BAALC: variants seen among roughly 807,000 people sequenced by gnomAD.
BAALC encodes BAALC binder of MAP3K1 and KLF4, also known as brain and acute leukemia cytoplasmic protein.
In BAALC, 9 loss-of-function variants were observed where a neutral mutation model predicts 15.5. The observed-to-expected ratio is 0.58, with a 90% CI of 0.35 to 1.02. The LOEUF is 1.02. Among genes scored for constraint, BAALC ranks in the 50% least tolerant of loss-of-function variants. The probability of loss-of-function intolerance (pLI) is 0.02; values close to 1 mark genes in which losing one functional copy is unlikely to be tolerated. For synonymous variants in BAALC, 80 were observed against 74.6 expected (o/e 1.07, Z -0.37); for missense variants, 201 against 192.4 (o/e 1.04, Z -0.27).
intron 1 of BAALC, among the ~76,000 whole-genome samples, chr8:103,197,780 A>G (rs1812127349): frequency 6.6e-6 from 1 of 152,022 alleles, no homozygotes; most frequent in Admixed American, 6.6e-5. Context: ...ACACACTTTT[A>G]AACAGCCAGA....
chr8:103,162,104 G>C (rs1023755993), intron 1 of BAALC, among the ~76,000 whole-genome samples: 17 of 152,104 alleles, frequency 1.1e-4, no homozygotes, highest in African/African-American at 4.1e-4. Context: ...GGGACCACAG[G>C]TGAGCCACCA....
intron 1 of BAALC, chr8:103,153,162 C>T (rs999538633): frequency 6.6e-6 from 1 of 152,162 alleles, no homozygotes; most frequent in Non-Finnish European, 1.5e-5. Context: ...TCAAGCTACC[C>T]TAAAAGTATC....
At chr8:103,174,137 T>C (rs1811556224) in intron 1 of BAALC, among the ~76,000 whole-genome samples, 2 of 151,898 alleles carry the variant, frequency 1.3e-5, no homozygotes, top group Admixed American at 6.6e-5. Context: ...TGATAGCTGC[T>C]CAGACTGTGA....
At chr8:103,216,249 G>A (rs954576731) in intron 2 of BAALC, among the ~76,000 whole-genome samples, 14 of 152,168 alleles carry the variant, frequency 9.2e-5, no homozygotes, top group African/African-American at 3.4e-4. Context: ...ATGGTTTGGT[G>A]GACAGCACTT....
intron 1 of BAALC, among the ~76,000 whole-genome samples, chr8:103,144,290 GT>G (rs1479841382): frequency 2.0e-5 from 3 of 152,136 alleles, no homozygotes; most frequent in African/African-American, 7.2e-5. Flanking sequence ...TGAGCCTGTG[GT>G]TCCTGTTTTT....
intron 1 of BAALC, among the ~76,000 whole-genome samples, chr8:103,179,759 C>T (rs923732003): frequency 2.6e-5 from 4 of 152,250 alleles, no homozygotes; most frequent in Admixed American, 6.5e-5. Flanking sequence ...AACACGAGGT[C>T]CTGCTCTTGA....
At chr8:103,211,683 G>C (rs1168629690) in intron 1 of BAALC, among the ~76,000 whole-genome samples, 1 of 152,174 alleles carries the variant, frequency 6.6e-6, no homozygotes, top group Non-Finnish European at 1.5e-5. Context: ...CTATTTGAGA[G>C]AGCCACTTGG....
intron 1 of BAALC, chr8:103,200,900 A>C: frequency 2.2e-6 from 1 of 458,082 alleles, no homozygotes; most frequent in Non-Finnish European, 4.0e-6. Flanking sequence ...TATACATATG[A>C]ATTTTGGGGG....
At chr8:103,151,860 C>T (rs1005330677) in intron 1 of BAALC, among the ~76,000 whole-genome samples, 5 of 152,104 alleles carry the variant, frequency 3.3e-5, no homozygotes, top group South Asian at 2.1e-4. Flanking sequence ...ACATCTTTAG[C>T]GATCCTTTCC....
intron 1 of BAALC, among the ~76,000 whole-genome samples, chr8:103,163,433 A>G (rs1192502891): frequency 6.6e-6 from 1 of 152,042 alleles, no homozygotes; most frequent in Non-Finnish European, 1.5e-5. Context: ...CCTCAAATTC[A>G]ACTTGCCCCA....
At chr8:103,162,331 GAAAAGCAAAAAGTCT>G (rs1055546938) in intron 1 of BAALC, among the ~76,000 whole-genome samples, 1 of 152,140 alleles carries the variant, frequency 6.6e-6, no homozygotes, top group Non-Finnish European at 1.5e-5. Flanking sequence ...GAGATATTTT[GAAAAGCAAAAAGTCT>G]AAAAGCAAAA....
intron 2 of BAALC, among the ~76,000 whole-genome samples, chr8:103,220,772 C>T (rs1311842150): frequency 1.3e-5 from 2 of 152,200 alleles, no homozygotes; most frequent in Non-Finnish European, 2.9e-5. Flanking sequence ...GGGGAAGGCA[C>T]TAGAAGCCCT....
chr8:103,179,089 A>G (rs1026434169), intron 1 of BAALC, among the ~76,000 whole-genome samples: 1 of 152,218 alleles, frequency 6.6e-6, no homozygotes, highest in African/African-American at 2.4e-5. Context: ...CAGACAGAAA[A>G]GAAACTCATC....
chr8:103,206,881 G>A (rs947980456), intron 1 of BAALC, among the ~76,000 whole-genome samples: 6 of 152,156 alleles, frequency 3.9e-5, no homozygotes, highest in African/African-American at 1.4e-4. Context: ...GGAGTGAAAG[G>A]ACAGAAATTG....
At chr8:103,167,749 G>A (rs1241837064) in intron 1 of BAALC, among the ~76,000 whole-genome samples, 2 of 152,190 alleles carry the variant, frequency 1.3e-5, no homozygotes, top group Non-Finnish European at 2.9e-5. Context: ...GCTGGGAGCA[G>A]GAAAGGCTGG....
intron 2 of BAALC, 128 bp from the exon 3 acceptor site, chr8:103,227,861 T>A: frequency 3.1e-6 from 2 of 649,172 alleles, no homozygotes; most frequent in Non-Finnish European, 5.3e-6. Flanking sequence ...CTGTGATTTA[T>A]GTTCCTTTTT....
chr8:103,173,118 T>G (rs1811535230), intron 1 of BAALC, among the ~76,000 whole-genome samples: 1 of 152,226 alleles, frequency 6.6e-6, no homozygotes, highest in Non-Finnish European at 1.5e-5. Flanking sequence ...GGGCCATCAT[T>G]TGAACTGTTA....
rs74375624 is a variant in BAALC at position 103,199,548 on chromosome 8, G to A, written c.161-13371G>A. On this transcript the variant is annotated intron_variant, in intron 1 of 2. Coordinates refer to ENST00000309982, the MANE Select transcript of BAALC (RefSeq NM_024812.3). ...AGATAATTGATTGATTGCTTTGAGC[G>A]ATTTTAAAATTTTAAGAATTAAAAC... Among the ~76,000 whole-genome samples, 170 of 151,820 alleles carry A rather than the reference G, an allele frequency of 1.1e-3. 2 individuals carry two copies. The highest frequency in any genetic ancestry group is 3.7e-3 in the African/African-American group (154 of 41,370).
chr8:103,177,194 T>C (rs1473069157), intron 1 of BAALC, among the ~76,000 whole-genome samples: 1 of 32,544 alleles, frequency 3.1e-5, no homozygotes, highest in African/African-American at 1.2e-4. Context: ...TGTTGTTTTG[T>C]TTTTTTTTTT....
Sources: allele counts gnomAD v4.1 joint callset (sites outside exome capture counted in the v4.1 genomes callset), GRCh38; gene constraint gnomAD v4.1.1; transcripts MANE v1.5; gene names NCBI Gene and HGNC (gene_info 2026-07-23, HGNC 2026-07-21).